Variants in RPS6KA4 observed in about 807,000 individuals in gnomAD.
The protein encoded by RPS6KA4 is ribosomal protein S6 kinase alpha-4.
In RPS6KA4, 38 loss-of-function variants were observed where a neutral mutation model predicts 89.6. That is an observed-to-expected ratio of 0.42 (90% CI 0.33 to 0.56). The LOEUF is 0.56. RPS6KA4 is among the 20% of genes least tolerant of loss of function. The pLI is 0.07. For missense variants in RPS6KA4, 873 were observed against 1,098.8 expected, an observed-to-expected ratio of 0.79 and a Z score of 2.90; for synonymous variants, 495 against 492.8, an observed-to-expected ratio of 1.00 and a Z score of -0.06.
intron 2 of RPS6KA4, 70 bp from the exon 3 acceptor site, chr11:64,360,093 C>T: frequency 7.0e-7 from 1 of 1,423,546 alleles, no homozygotes; most frequent in Non-Finnish European, 9.5e-7. Flanking sequence ...GTTGGCATCG[C>T]CCCCACCCCC....
Position 64,371,598 on chromosome 11 carries a change from A to C in RPS6KA4, c.*118A>C. On this transcript the variant is annotated 3_prime_UTR_variant, in exon 17 of 17. Transcript: ENST00000334205. ...CCAAGGGACTGTCCTTTCCTCTCCT[A>C]CCCCACCCCACTCCCAGACAGAGCA... 1 of 575,502 alleles carries C rather than the reference A, an allele frequency of 1.7e-6. No homozygotes were observed. Among genetic ancestry groups the C allele is most frequent in the East Asian group, 2.9e-5 (1 of 34,200 alleles). The allele number at this position is 575,502 out of a possible 1,614,324, so 35.6% of individuals were successfully genotyped here.
At chr11:64,367,779 A>G (rs763051391) in intron 9 of RPS6KA4, among the ~76,000 whole-genome samples, 3 of 152,128 alleles carry the variant, frequency 2.0e-5, no homozygotes, top group Non-Finnish European at 4.4e-5. Context: ...TTTTTTCCTC[A>G]GCGGATAGAG....
In RPS6KA4 at chr11:64,368,423, C is replaced by T. The variant is rs1486981549; in HGVS notation, c.1201-45C>T. On this transcript the variant is annotated intron_variant, in intron 10 of 16. Transcript: ENST00000334205. ...GGGGCCGCGGGGCTACCAGGTGGGA[C>T]CTCTGACGCGCCGCCTTCGCCTTCG... 7 of 1,544,496 alleles carry T rather than the reference C, an allele frequency of 4.5e-6. No homozygotes were observed. In the African/African-American group the frequency reaches 9.6e-5, roughly 21 times the overall value.
intron 9 of RPS6KA4, among the ~76,000 whole-genome samples, chr11:64,366,263 C>A (rs912292887): frequency 6.6e-6 from 1 of 150,900 alleles, no homozygotes; most frequent in South Asian, 2.1e-4. Flanking sequence ...CTCTGCCTCA[C>A]GGGTTCAAGC....
chr11:64,362,250 G>A lies in RPS6KA4; in HGVS notation c.906+248G>A, dbSNP rs538147. ...TCAGGGATTTGAGAATGGATTGGTC[G>A]GTCCTTTCACTGGACAGACCCAGAG... On this transcript the variant is annotated intron_variant, in intron 8 of 16. Coordinates refer to ENST00000334205, the MANE Select transcript of RPS6KA4 (RefSeq NM_003942.3). Among the ~76,000 whole-genome samples, 44,889 of 152,134 alleles carry A rather than the reference G, an allele frequency of 0.3. 7,875 individuals carry two copies. The highest frequency in any genetic ancestry group is 0.38 in the South Asian group (1,845 of 4,822).
chr11:64,371,396 C>T lies in RPS6KA4; in HGVS notation c.2235C>T (p.Ser745=), dbSNP rs1476554506. ...GCGCCACCGCCTCCCGCCGGGGCTC[C>T]CCTGCACCAGCCAACCCGGGCCGAG... ...LRSATASRRG[S]PAPANPGRAP... Residue 745 remains serine, a synonymous_variant, in exon 17 of 17, where the codon TCC becomes TCT. Coordinates refer to ENST00000334205, the MANE Select transcript of RPS6KA4 (RefSeq NM_003942.3). The T allele has an allele frequency of 2.5e-6, 4 of 1,611,328 alleles. No homozygotes were observed. The South Asian group carries it at 4.4e-5, about 18-fold the overall frequency.
rs1043726271 is a variant in RPS6KA4 at position 64,359,853 on chromosome 11, A to G, written c.128-310A>G. On this transcript the variant is annotated intron_variant, in intron 2 of 16. Transcript: ENST00000334205. ...CTCTGCCTCCCTTCCTTGCACTGGC[A>G]TCTTTTCACATCCATCTGATCTCTC... 7.3e-5 allele frequency: 39 copies of G among 537,090 alleles called. No homozygotes were observed. The Middle Eastern group carries it at 1.4e-3, about 20-fold the overall frequency. 33.3% of individuals were successfully genotyped at this position (537,090 alleles called of 1,614,324 possible). A position where few individuals can be genotyped will look rare whatever the true frequency, so the allele number is the denominator to read the frequency against.
intron 16 of RPS6KA4, 113 bp from the exon 17 acceptor site, chr11:64,371,170 C>T (rs963513156): frequency 1.9e-4 from 175 of 943,312 alleles, no homozygotes; most frequent in Non-Finnish European, 2.7e-4. Flanking sequence ...GGCCAAGGCC[C>T]TGTCGGCCTT....
In RPS6KA4 at chr11:64,368,722, G is replaced by A; in HGVS notation, c.1353G>A (p.Gln451=). 6.3e-7 allele frequency: 1 copy of A among 1,576,972 alleles called. No individual in the cohort carries two copies. ...ILSRRLEANT[Q]REVAALRLCQ... ...CCCCCAGGCTGGAGGCGAACACGCA[G>A]CGCGAAGTGGCTGCCCTGCGCCTGT... The change falls in exon 12 of 17, where the codon CAG becomes CAA. Residue 451 remains glutamine (Q), a synonymous_variant. Coordinates refer to ENST00000334205, the MANE Select transcript of RPS6KA4 (RefSeq NM_003942.3).
chr11:64,371,115 A>G (rs1021729244), intron 16 of RPS6KA4, among the ~76,000 whole-genome samples, 168 bp from the exon 17 acceptor site: 3 of 150,192 alleles, frequency 2.0e-5, no homozygotes, highest in African/African-American at 4.9e-5. Flanking sequence ...AAAAAAAAAA[A>G]AAAAAAAAAA....
intron 12 of RPS6KA4, 67 bp from the exon 13 acceptor site, chr11:64,369,379 C>T: frequency 6.8e-7 from 1 of 1,478,086 alleles, no homozygotes; most frequent in Admixed American, 2.1e-5. Context: ...GGGGCGGGGC[C>T]TGGGTGGTGG....
intron 8 of RPS6KA4, among the ~76,000 whole-genome samples, chr11:64,364,715 G>T (rs2036835177): frequency 6.7e-6 from 1 of 148,268 alleles, no homozygotes; most frequent in Non-Finnish European, 1.5e-5. Context: ...AGGAGAAAGA[G>T]ATTTGTTTTT....
intron 9 of RPS6KA4, 98 bp downstream of exon 9, chr11:64,365,563 C>G: frequency 7.3e-7 from 1 of 1,377,814 alleles, no homozygotes; most frequent in Non-Finnish European, 1.0e-6. Context: ...GGCCTTGTGT[C>G]CTGATTGGGA....
chr11:64,367,117 A>G (rs2135339345), intron 9 of RPS6KA4, among the ~76,000 whole-genome samples: 1 of 152,358 alleles, frequency 6.6e-6, no homozygotes, highest in Middle Eastern at 3.4e-3. Context: ...GATGACACAT[A>G]GTTTATTTTT....
At chr11:64,364,635 G>A (rs1291970043) in intron 8 of RPS6KA4, among the ~76,000 whole-genome samples, 2 of 152,068 alleles carry the variant, frequency 1.3e-5, no homozygotes, top group Non-Finnish European at 2.9e-5. Flanking sequence ...TTTTCTGCAT[G>A]GGGACTTCAT....
chr11:64,361,737 G>C lies in RPS6KA4; in HGVS notation c.747G>C (p.Glu249Asp), dbSNP rs764191979. 4.4e-5 allele frequency: 70 copies of C among 1,603,992 alleles called. No individual in the cohort carries two copies. The highest frequency in any genetic ancestry group is 5.5e-5 in the Non-Finnish European group (65 of 1,176,602). The change falls in exon 7 of 17, where the codon GAG becomes GAC. Residue 249 changes from glutamate to aspartate, a missense_variant. By Grantham distance (45) the Glu-to-Asp change is conservative (BLOSUM62 2). Coordinates refer to ENST00000334205, the MANE Select transcript of RPS6KA4 (RefSeq NM_003942.3). The surrounding 1 kb of genome is among the most constrained non-coding windows in gnomAD (Gnocchi z 4.7). ...TLEGERNTQA[E>D]VSRRILKCSP... The stretch of plus-strand genomic sequence containing the variant: ...AGGGCGAGAGGAACACGCAGGCTGA[G>C]GTGTCTCGGTGAGTAGGGCTGGACG...
Position 64,370,056 on chromosome 11 carries a change from C to G in RPS6KA4, c.1797+163C>G, listed in dbSNP as rs991045655. Among the ~76,000 whole-genome samples, 8 of 152,090 alleles carry G rather than the reference C, an allele frequency of 5.3e-5. No homozygotes were observed. Among genetic ancestry groups the G allele is most frequent in the African/African-American group, 1.9e-4 (8 of 41,424 alleles). On this transcript the variant is annotated intron_variant, in intron 14 of 16. Transcript: ENST00000334205. The surrounding 1 kb of genome is among the most constrained non-coding windows in gnomAD (Gnocchi z 4.1). ...GTTCAAATACAGAGGTGGGGTCGCT[C>G]TGGTGCTAGAGTCGGAGCATCCGGG...
chr11:64,361,787 G>A lies in RPS6KA4; in HGVS notation c.755+42G>A. 1 of 1,585,568 alleles carries A rather than the reference G, an allele frequency of 6.3e-7. No individual in the cohort carries two copies. The highest frequency in any genetic ancestry group is 1.1e-5 in the South Asian group (1 of 88,492). ...GTGGAGGGCGGCCAGAGGGCTGCAG[G>A]GCCTGCCTGGGCAGGGCTGTGGGTG... On this transcript the variant is annotated intron_variant, in intron 7 of 16. Transcript: ENST00000334205. The surrounding 1 kb of genome is among the most constrained non-coding windows in gnomAD (Gnocchi z 4.7).
In RPS6KA4 at chr11:64,370,478, G is replaced by A. The variant is rs1404961401; in HGVS notation, c.1958-85G>A. 6 of 1,603,428 alleles carry A rather than the reference G, an allele frequency of 3.7e-6. No individual in the cohort carries two copies. The Admixed American group carries it at 6.9e-5, about 18-fold the overall frequency. On this transcript the variant is annotated intron_variant, in intron 15 of 16. Coordinates refer to ENST00000334205, the MANE Select transcript of RPS6KA4 (RefSeq NM_003942.3). This position sits in a 1 kb window ranked among gnomAD's most constrained non-coding sequence, Gnocchi z 4.1. The stretch of plus-strand genomic sequence containing the variant: ...AGGTGTCCTGGTTGGGGATGGGTAG[G>A]GGAGGAGAGTGGGGCTGTTACGATC...
Sources: gnomAD v4.1 joint callset for allele counts (sites outside exome capture counted in the v4.1 genomes callset) on GRCh38, gnomAD v4.1.1 for gene constraint, Gnocchi (gnomAD v3.1) non-coding constraint, MANE v1.5 for transcripts, NCBI Gene and HGNC (gene_info 2026-07-23, HGNC 2026-07-21) for gene names.